The following VPS16 variants were observed in gnomAD, a reference collection of about 807,000 sequenced individuals.
The protein encoded by VPS16 is VPS16 core subunit of CORVET and HOPS complexes.
In VPS16, 82 loss-of-function variants were observed where a neutral mutation model predicts 116.0. The ratio of observed to expected loss-of-function variants is 0.71; its 90% CI spans 0.59 to 0.85. The LOEUF (loss-of-function observed/expected upper bound fraction) is 0.85, where lower values mean the gene tolerates loss of function less well. Among genes scored for constraint, VPS16 ranks in the 40% least tolerant of loss-of-function variants. VPS16 has a pLI of 0.00. For synonymous variants in VPS16, 406 were observed against 420.7 expected (o/e 0.96, Z 0.43); for missense variants, 928 against 1,090.6 (o/e 0.85, Z 2.10).
At position 2,866,550 on chromosome 20, in the gene VPS16, C is replaced by G; in HGVS notation, c.2496C>G (p.Ala832=). 1 of 1,614,166 alleles carries G rather than the reference C, an allele frequency of 6.2e-7. No homozygotes were observed. Among genetic ancestry groups the G allele is most frequent in the Non-Finnish European group, 8.5e-7 (1 of 1,180,010 alleles). Reference sequence around the variant, plus strand: ...CCACAGCTGACAAGATTCAACGGGCCAGGGCACAAGCCCAGAAGAAGTGAG... The same window carrying G: ...CCACAGCTGACAAGATTCAACGGGCGAGGGCACAAGCCCAGAAGAAGTGAG... ...DGATADKIQR[A]RAQAQKK is the part of the protein sequence containing the mutation. The change falls in exon 24 of 24, where the codon GCC becomes GCG. Residue 832 remains alanine (A), a synonymous_variant. Transcript: ENST00000380445.
At chr20:2,853,758 C>T (rs748333888) in intron 1 of VPS16, among the ~76,000 whole-genome samples, 1 of 151,962 alleles carries the variant, frequency 6.6e-6, no homozygotes, top group South Asian at 2.1e-4. Flanking sequence ...CTGCAACCTC[C>T]GTCTCCCGGG....
chr20:2,842,694 A>G (rs968507362), intron 1 of VPS16, among the ~76,000 whole-genome samples: 70 of 136,276 alleles, frequency 5.1e-4, no homozygotes, highest in African/African-American at 1.7e-3. Flanking sequence ...AGATACATCT[A>G]GATGTATCTA....
chr20:2,865,581 C>T lies in VPS16; in HGVS notation c.2271+86C>T. ...TAGGCAGGGAGACAGATAGGATGGC[C>T]CGTTCATGCTCCTGTTCAGCTGCCC... is the stretch of plus-strand genomic sequence containing the variant. On this transcript the variant is annotated intron_variant, in intron 22 of 23. Transcript: ENST00000380445. This position sits in a 1 kb window ranked among gnomAD's most constrained non-coding sequence, Gnocchi z 5.2. The T allele has an allele frequency of 8.0e-7, 1 of 1,250,440 alleles. No individual in the cohort carries two copies. The highest frequency in any genetic ancestry group is 1.1e-6 in the Non-Finnish European group (1 of 890,876). The allele number at this position is 1,250,440 out of a possible 1,614,324, so 77.5% of individuals were successfully genotyped here. A position where few individuals can be genotyped will look rare whatever the true frequency, so the allele number is the denominator to read the frequency against.
Position 2,863,230 on chromosome 20 carries a change from A to T in VPS16, c.1368-60A>T. ...GAGGCCTGATGTGCAGGCTGAGGCC[A>T]CTCTGCTCCCTTTCTCCTCCACCTC... On this transcript the variant is annotated intron_variant, in intron 14 of 23. Transcript: ENST00000380445. The surrounding 1 kb of genome is among the most constrained non-coding windows in gnomAD (Gnocchi z 4.4). The T allele has an allele frequency of 6.2e-6, 10 of 1,611,102 alleles. No individual in the cohort carries two copies. Among genetic ancestry groups the T allele is most frequent in the Non-Finnish European group, 6.8e-6 (8 of 1,177,772 alleles).
At position 2,842,751 on chromosome 20, in the gene VPS16, TGTATCTATCTATAGATAG is replaced by T. The variant is rs1308939980; in HGVS notation, c.53+1925_53+1942del. On this transcript the variant is annotated intron_variant, in intron 1 of 23. Coordinates refer to ENST00000380445, the MANE Select transcript of VPS16 (RefSeq NM_022575.4). ...GTATCTATCTATAGATACATATAGATGTATCTATCTATAGATAGACATATAGATGTATCTATCTATAGA... is the reference window on the plus strand; with the variant it reads ...GTATCTATCTATAGATACATATAGATACATATAGATGTATCTATCTATAGA... Among the ~76,000 whole-genome samples the T allele has an allele frequency of 3.2e-4, 47 of 146,692 alleles. 1 individual carries two copies. Among genetic ancestry groups the T allele is most frequent in the Non-Finnish European group, 3.4e-4 (23 of 66,816 alleles).
chr20:2,842,399 T>C (rs1027551215), intron 1 of VPS16, among the ~76,000 whole-genome samples: 4 of 152,020 alleles, frequency 2.6e-5, no homozygotes, highest in Non-Finnish European at 4.4e-5. Flanking sequence ...GTGAATCACC[T>C]GAGGCCAGGA....
At position 2,860,109 on chromosome 20, in the gene VPS16, C is replaced by G. The variant is rs1409099094; in HGVS notation, c.198C>G (p.Leu66=). 1.9e-6 allele frequency: 3 copies of G among 1,613,970 alleles called. No individual in the cohort carries two copies. Among genetic ancestry groups the G allele is most frequent in the South Asian group, 1.1e-5 (1 of 91,062 alleles). ...KEKAASVRPV[L]DIYSASGMPL... is the part of the protein sequence containing the mutation. ...AAGCTGCTAGTGTGAGGCCAGTGCT[C>G]GATATATACTCTGCTTCCGGCATGC... Residue 66 remains leucine (L), a synonymous_variant, in exon 3 of 24, where the codon CTC becomes CTG. Coordinates refer to ENST00000380445, the MANE Select transcript of VPS16 (RefSeq NM_022575.4). The surrounding 1 kb of genome is among the most constrained non-coding windows in gnomAD (Gnocchi z 6.1).
At chr20:2,859,687 A>T in intron 1 of VPS16, 32 bp from the exon 2 acceptor site, 1 of 1,609,062 alleles carries the variant, frequency 6.2e-7, no homozygotes, top group Non-Finnish European at 8.5e-7. Flanking sequence ...CAGGGTAATG[A>T]GGCTAATTTC....
intron 8 of VPS16, 85 bp from the exon 9 acceptor site, chr20:2,861,530 G>A: frequency 6.7e-7 from 1 of 1,485,128 alleles, no homozygotes; most frequent in Admixed American, 2.0e-5. Flanking sequence ...TATACAGGCT[G>A]TCCCGAGACA....
At chr20:2,848,920 C>T (rs2089088402) in intron 1 of VPS16, among the ~76,000 whole-genome samples, 3 of 152,174 alleles carry the variant, frequency 2.0e-5, no homozygotes, top group Admixed American at 6.5e-5. Flanking sequence ...GCTGGTTCCT[C>T]TGGGAATGGT....
intron 1 of VPS16, among the ~76,000 whole-genome samples, chr20:2,853,389 AAAAC>A (rs1203779227): frequency 7.7e-6 from 1 of 130,406 alleles, no homozygotes; most frequent in Non-Finnish European, 1.5e-5. Context: ...ACTCTGTCTC[AAAAC>A]AAACAAACAA....
intron 1 of VPS16, among the ~76,000 whole-genome samples, chr20:2,858,115 GA>G (rs2089192602): frequency 6.9e-6 from 1 of 144,742 alleles, no homozygotes; most frequent in South Asian, 2.2e-4. Context: ...TTTTTTTTGA[GA>G]CAGGGTCTCA....
intron 1 of VPS16, among the ~76,000 whole-genome samples, chr20:2,853,559 C>T (rs1214174658): frequency 1.3e-5 from 2 of 152,256 alleles, no homozygotes; most frequent in East Asian, 3.8e-4. Context: ...GAGACTCCTA[C>T]TGAAGTCTTG....
intron 12 of VPS16, 29 bp from the exon 13 acceptor site, chr20:2,862,778 C>G (rs746295516): frequency 1.2e-6 from 2 of 1,613,294 alleles, no homozygotes; most frequent in South Asian, 2.2e-5. Context: ...CAGGGAAGCT[C>G]TCTCCTATCG....
In VPS16 at chr20:2,862,791, C is replaced by G. The variant is rs934651286; in HGVS notation, c.1204-16C>G. 1.9e-6 allele frequency: 3 copies of G among 1,613,626 alleles called. No individual in the cohort carries two copies. The African/African-American group carries it at 4.0e-5, about 22-fold the overall frequency. On this transcript the variant is annotated splice_polypyrimidine_tract_variant and intron_variant, in intron 12 of 23. Transcript: ENST00000380445. ...AGCAGGGAAGCTCTCTCCTATCGCC[C>G]TCTGGCTCTTCTCAGGCCGCCTCCT...
chr20:2,865,779 G>C lies in VPS16; in HGVS notation c.2271+284G>C. 3.9e-6 allele frequency: 2 copies of C among 511,006 alleles called. No individual in the cohort carries two copies. Among genetic ancestry groups the C allele is most frequent in the Non-Finnish European group, 7.0e-6 (2 of 284,530 alleles). 31.7% of individuals were successfully genotyped at this position (511,006 alleles called of 1,614,324 possible). On this transcript the variant is annotated intron_variant, in intron 22 of 23. Transcript: ENST00000380445. This position sits in a 1 kb window ranked among gnomAD's most constrained non-coding sequence, Gnocchi z 5.2. ...CACTATGTGCTAGAGGGAAAGTCTT[G>C]TCTGAGGAGGGTGGAGGGGGCACAG...
intron 1 of VPS16, among the ~76,000 whole-genome samples, chr20:2,848,155 C>T (rs2089080638): frequency 6.6e-6 from 1 of 152,200 alleles, no homozygotes; most frequent in African/African-American, 2.4e-5. Flanking sequence ...CCACAGGCAC[C>T]AAACCCAACT....
At position 2,860,093 on chromosome 20, in the gene VPS16, G is replaced by T; in HGVS notation, c.182G>T (p.Ser61Ile). 2 of 1,614,092 alleles carry T rather than the reference G, an allele frequency of 1.2e-6. No individual in the cohort carries two copies. Among genetic ancestry groups the T allele is most frequent in the Non-Finnish European group, 1.7e-6 (2 of 1,180,028 alleles). The change falls in exon 3 of 24, where the codon AGT (serine) becomes ATT (isoleucine). Residue 61 changes from serine to isoleucine, a missense_variant. Coordinates refer to ENST00000380445, the MANE Select transcript of VPS16 (RefSeq NM_022575.4). This position sits in a 1 kb window ranked among gnomAD's most constrained non-coding sequence, Gnocchi z 6.1. The part of the protein sequence containing the change: ...RNPWRKEKAA[S>I]VRPVLDIYSA... ...CCCTGGCGGAAGGAGAAAGCTGCTA[G>T]TGTGAGGCCAGTGCTCGATATATAC...
chr20:2,843,626 A>G (rs2089031330), intron 1 of VPS16, among the ~76,000 whole-genome samples: 1 of 152,206 alleles, frequency 6.6e-6, no homozygotes, highest in Non-Finnish European at 1.5e-5. Context: ...CTTTTAAAAT[A>G]TCAACTTTAC....
Sources: allele counts gnomAD v4.1 joint callset (sites outside exome capture counted in the v4.1 genomes callset), GRCh38; gene constraint gnomAD v4.1.1; non-coding constraint Gnocchi (gnomAD v3.1); transcripts MANE v1.5; gene names NCBI Gene and HGNC (gene_info 2026-07-23, HGNC 2026-07-21).